TBC1D22A: variants seen among roughly 807,000 people sequenced by gnomAD.
TBC1D22A encodes putative GTPase activator.
In TBC1D22A, 38 loss-of-function variants were observed where a neutral mutation model predicts 60.2. That is an observed-to-expected ratio of 0.63 (90% CI 0.49 to 0.83). TBC1D22A has a LOEUF of 0.83. TBC1D22A is among the 40% of genes least tolerant of loss of function. TBC1D22A has a pLI of 0.00. For synonymous variants in TBC1D22A, 302 were observed against 281.7 expected (o/e 1.07, Z -0.72); for missense variants, 628 against 701.0 (o/e 0.90, Z 1.18).
intron 11 of TBC1D22A, among the ~76,000 whole-genome samples, chr22:47,098,941 G>T (rs1452490332): frequency 6.6e-6 from 1 of 152,218 alleles, no homozygotes; most frequent in Non-Finnish European, 1.5e-5. Context: ...TGCTGTTGTT[G>T]ACTCAGCGAG....
chr22:46,826,410 T>C (rs1159324050), intron 4 of TBC1D22A, among the ~76,000 whole-genome samples: 1 of 152,246 alleles, frequency 6.6e-6, no homozygotes, highest in Non-Finnish European at 1.5e-5. Flanking sequence ...GGATAATTAC[T>C]CAATGTAAAA....
intron 4 of TBC1D22A, among the ~76,000 whole-genome samples, chr22:46,862,538 C>G (rs917065356): frequency 6.6e-6 from 1 of 152,240 alleles, no homozygotes; most frequent in Admixed American, 6.5e-5. Flanking sequence ...GCCATTCTCC[C>G]AGTGAAGCAC....
chr22:46,902,946 AG>A (rs945188387), intron 7 of TBC1D22A, among the ~76,000 whole-genome samples: 3 of 151,378 alleles, frequency 2.0e-5, no homozygotes, highest in African/African-American at 7.4e-5. Context: ...ACTGCATTCC[AG>A]GGTGGCTGAA....
chr22:47,019,901 T>G (rs1184185091), intron 10 of TBC1D22A, among the ~76,000 whole-genome samples: 1 of 150,412 alleles, frequency 6.6e-6, no homozygotes, highest in African/African-American at 2.5e-5. Flanking sequence ...CTCCTCTCCC[T>G]TAACTCTCCA....
intron 7 of TBC1D22A, among the ~76,000 whole-genome samples, chr22:46,897,091 G>A (rs949587101): frequency 1.3e-5 from 2 of 152,218 alleles, no homozygotes; most frequent in East Asian, 1.9e-4. Context: ...ATGTGTTACC[G>A]GTGGAGGGTG....
At chr22:46,924,263 A>G (rs2070919631) in intron 8 of TBC1D22A, among the ~76,000 whole-genome samples, 1 of 152,176 alleles carries the variant, frequency 6.6e-6, no homozygotes, top group African/African-American at 2.4e-5. Context: ...ACTCGGAGTG[A>G]CTGGATGTTG....
chr22:46,970,532 G>A (rs1360688651), intron 8 of TBC1D22A, among the ~76,000 whole-genome samples: 2 of 152,160 alleles, frequency 1.3e-5, no homozygotes, highest in Non-Finnish European at 2.9e-5. Flanking sequence ...GGCTTGCCCG[G>A]CTGTGAGCAT....
At chr22:46,921,392 G>A (rs567362715) in intron 8 of TBC1D22A, among the ~76,000 whole-genome samples, 4 of 152,224 alleles carry the variant, frequency 2.6e-5, no homozygotes, top group Admixed American at 1.3e-4. Context: ...CTCCATCTCC[G>A]TCCATGTTGC....
intron 9 of TBC1D22A, 57 bp downstream of exon 9, chr22:46,974,456 A>C: frequency 1.4e-6 from 2 of 1,437,650 alleles, no homozygotes; most frequent in Non-Finnish European, 1.9e-6. Flanking sequence ...CGGTGAAGAG[A>C]GCCTGAGGCC....
chr22:47,066,191 C>T lies in TBC1D22A; in HGVS notation c.1329+28993C>T, dbSNP rs73473608. 8.2e-3 allele frequency among the ~76,000 whole-genome samples: 1,244 copies of T among 152,310 alleles called. 12 individuals carry two copies. The highest frequency in any genetic ancestry group is 0.028 in the African/African-American group (1,181 of 41,562). ...AAGGCATATGGGTACAGCTCACAGGCGTTTCTTAAAAAGCTGGTTTTGTTG... is the reference window on the plus strand; with the variant it reads ...AAGGCATATGGGTACAGCTCACAGGTGTTTCTTAAAAAGCTGGTTTTGTTG... On this transcript the variant is annotated intron_variant, in intron 11 of 12. Transcript: ENST00000337137.
chr22:46,844,839 G>C (rs2086921956), intron 4 of TBC1D22A, among the ~76,000 whole-genome samples: 1 of 152,200 alleles, frequency 6.6e-6, no homozygotes, highest in African/African-American at 2.4e-5. Flanking sequence ...GGGCTCTTAA[G>C]TGGAGAGTGG....
intron 11 of TBC1D22A, among the ~76,000 whole-genome samples, chr22:47,080,568 G>C (rs2064420532): frequency 6.6e-6 from 1 of 151,818 alleles, no homozygotes; most frequent in Admixed American, 6.6e-5. Context: ...TGTAACCTTT[G>C]AATTTGTGGG....
chr22:46,933,819 A>G (rs1410829123), intron 8 of TBC1D22A, among the ~76,000 whole-genome samples: 1 of 152,234 alleles, frequency 6.6e-6, no homozygotes, highest in Non-Finnish European at 1.5e-5. Context: ...TTAAGTAGCC[A>G]CACGTGGCTT....
At chr22:46,868,449 A>G (rs936140796) in intron 4 of TBC1D22A, among the ~76,000 whole-genome samples, 1 of 152,168 alleles carries the variant, frequency 6.6e-6, no homozygotes, top group African/African-American at 2.4e-5. Flanking sequence ...CTCATTATAT[A>G]TATGCAAATA....
chr22:46,915,474 A>G (rs1434626504), intron 8 of TBC1D22A: 1 of 456,700 alleles, frequency 2.2e-6, no homozygotes, highest in East Asian at 6.9e-5. Flanking sequence ...TCAGGTTATC[A>G]TGTGACCGCT....
chr22:47,050,987 G>A (rs966390729), intron 11 of TBC1D22A, among the ~76,000 whole-genome samples: 9 of 152,184 alleles, frequency 5.9e-5, no homozygotes, highest in Non-Finnish European at 1.2e-4. Context: ...CTTTGCAGCC[G>A]CCTGGGAATA....
chr22:46,929,488 G>A (rs551952525), intron 8 of TBC1D22A, among the ~76,000 whole-genome samples: 2 of 152,280 alleles, frequency 1.3e-5, no homozygotes, highest in Admixed American at 6.5e-5. Flanking sequence ...ATCTGTGTCT[G>A]TGTGCTTACA....
intron 11 of TBC1D22A, among the ~76,000 whole-genome samples, chr22:47,051,120 G>T (rs902499802): frequency 7.7e-5 from 11 of 143,190 alleles, no homozygotes; most frequent in Non-Finnish European, 1.5e-4. Context: ...CATTGCAGGG[G>T]GACCTCTCCT....
intron 4 of TBC1D22A, among the ~76,000 whole-genome samples, chr22:46,866,759 T>C (rs2067075678): frequency 6.6e-6 from 1 of 152,220 alleles, no homozygotes; most frequent in South Asian, 2.1e-4. Flanking sequence ...AGACAGCCCT[T>C]CAGGAATTCA....
Sources: gnomAD v4.1 joint callset for allele counts (sites outside exome capture counted in the v4.1 genomes callset) on GRCh38, gnomAD v4.1.1 for gene constraint, MANE v1.5 for transcripts, NCBI Gene and HGNC (gene_info 2026-07-23, HGNC 2026-07-21) for gene names.